The following ATP5MF variants were observed in gnomAD, a reference collection of about 807,000 sequenced individuals.
ATP5MF encodes the protein ATP synthase F(0) complex subunit f, mitochondrial.
A neutral mutation model predicts 13.8 loss-of-function variants in ATP5MF; 10 were observed. That is an observed-to-expected ratio of 0.72 (90% CI 0.45 to 1.23). The LOEUF is 1.23. ATP5MF is among the 50% of genes most tolerant of loss of function. ATP5MF has a pLI of 0.00. For synonymous variants in ATP5MF, 40 were observed against 45.8 expected (o/e 0.87, Z 0.51); for missense variants, 122 against 118.2 (o/e 1.03, Z -0.15).
intron 1 of ATP5MF, 142 bp from the exon 2 acceptor site, chr7:99,460,335 A>T (rs945964092): frequency 1.1e-6 from 1 of 918,152 alleles, no homozygotes; most frequent in African/African-American, 1.6e-5. Flanking sequence ...AATATTATGA[A>T]GAAATATGTC....
rs188713773 is a variant in ATP5MF at position 99,459,323 on chromosome 7, A to G, written c.140-60T>C. 2.0e-5 allele frequency: 26 copies of G among 1,294,506 alleles called. No individual in the cohort carries two copies. The East Asian group carries it at 4.1e-4, about 21-fold the overall frequency. The allele number at this position is 1,294,506 out of a possible 1,614,324, so 80.2% of individuals were successfully genotyped here. A position where few individuals can be genotyped will look rare whatever the true frequency, so the allele number is the denominator to read the frequency against. On this transcript the variant is annotated intron_variant, in intron 2 of 3. Coordinates refer to ENST00000292475, the MANE Select transcript of ATP5MF (RefSeq NM_004889.5). Reference sequence around the variant, plus strand: ...GCTTCACATTTGAGTGAAGTTGAGCACACAGTTGAGTCTGGCTGACATTCA... The same window carrying G: ...GCTTCACATTTGAGTGAAGTTGAGCGCACAGTTGAGTCTGGCTGACATTCA...
At chr7:99,459,977 A>G (rs1798524655) in intron 2 of ATP5MF, 109 bp downstream of exon 2, 1 of 1,264,774 alleles carries the variant, frequency 7.9e-7, no homozygotes, top group South Asian at 1.5e-5. Context: ...TACATAACTT[A>G]CTGCTTTCAG....
intron 3 of ATP5MF, 130 bp downstream of exon 3, chr7:99,459,017 G>C: frequency 1.5e-6 from 1 of 654,626 alleles, no homozygotes; most frequent in Non-Finnish European, 2.7e-6. Flanking sequence ...AATTCTTTTA[G>C]GTGGAAACAT....
intron 2 of ATP5MF, chr7:99,459,682 G>A (rs947527169): frequency 1.2e-5 from 3 of 242,462 alleles, no homozygotes; most frequent in Non-Finnish European, 1.6e-5. Context: ...CCGAAGTGCC[G>A]GGATTACAGG....
chr7:99,461,712 G>A (rs1798607793), intron 1 of ATP5MF, among the ~76,000 whole-genome samples: 1 of 151,784 alleles, frequency 6.6e-6, no homozygotes, highest in Non-Finnish European at 1.5e-5. Flanking sequence ...AGGCTGGAGT[G>A]CAGTGGCATG....
At chr7:99,458,678 G>T (rs1284441480) in intron 3 of ATP5MF, among the ~76,000 whole-genome samples, 1 of 152,080 alleles carries the variant, frequency 6.6e-6, no homozygotes. Flanking sequence ...GTGGGGGTAG[G>T]GGGTGTACAC....
chr7:99,464,970 AAAAG>A (rs1562873959), intron 1 of ATP5MF, among the ~76,000 whole-genome samples: 1 of 151,834 alleles, frequency 6.6e-6, no homozygotes, highest in Non-Finnish European at 1.5e-5. Flanking sequence ...ATGTCAAAAA[AAAAG>A]AATACAGAAA....
intron 3 of ATP5MF, 177 bp downstream of exon 3, chr7:99,458,970 A>G: frequency 1.8e-6 from 1 of 568,140 alleles, no homozygotes; most frequent in Non-Finnish European, 3.1e-6. Flanking sequence ...CTCATTTCAA[A>G]CAATATCCCA....
chr7:99,459,744 A>T (rs1210145773), intron 2 of ATP5MF: 15 of 271,244 alleles, frequency 5.5e-5, no homozygotes, highest in Non-Finnish European at 9.8e-5. Flanking sequence ...TTTGTCCTGA[A>T]GTTCTGGCAG....
At chr7:99,463,236 T>C (rs1584534293) in intron 1 of ATP5MF, among the ~76,000 whole-genome samples, 1 of 152,344 alleles carries the variant, frequency 6.6e-6, no homozygotes, top group East Asian at 1.9e-4. Context: ...CACATGGAAA[T>C]AGCAAGTCTC....
At chr7:99,465,157 G>A (rs1798804857) in intron 1 of ATP5MF, among the ~76,000 whole-genome samples, 1 of 151,934 alleles carries the variant, frequency 6.6e-6, no homozygotes, top group African/African-American at 2.4e-5. Context: ...CTACTCGGAG[G>A]CTGAGGCTGG....
chr7:99,465,089 G>T (rs537615043), intron 1 of ATP5MF, among the ~76,000 whole-genome samples: 1 of 151,986 alleles, frequency 6.6e-6, no homozygotes, highest in Admixed American at 6.6e-5. Context: ...GTGAAAGCCC[G>T]TCTCTACTAA....
Position 99,459,151 on chromosome 7 carries a change from A to C in ATP5MF, c.252T>G (p.His84Gln). 6.2e-7 allele frequency: 1 copy of C among 1,612,666 alleles called. No individual in the cohort carries two copies. Among genetic ancestry groups the C allele is most frequent in the Non-Finnish European group, 8.5e-7 (1 of 1,179,068 alleles). ...AGACGCCGCAGAGGCACTCACTGAG[A>C]TGCTTGTAGGAAAAGGAGTAGCTAA... is the stretch of plus-strand genomic sequence containing the variant. ...VLFSYSFSYKHLKHERLRKYH is the reference protein window; with the variant it reads ...VLFSYSFSYKQLKHERLRKYH Residue 84 changes from histidine to glutamine, a missense_variant, in exon 3 of 4, where the codon CAT becomes CAG. By Grantham distance (24) the His-to-Gln change is conservative. Coordinates refer to ENST00000292475, the MANE Select transcript of ATP5MF (RefSeq NM_004889.5).
intron 1 of ATP5MF, among the ~76,000 whole-genome samples, chr7:99,461,070 G>A (rs550191252): frequency 9.9e-5 from 15 of 152,218 alleles, no homozygotes; most frequent in Non-Finnish European, 2.2e-4. Context: ...CCTGGCTGAG[G>A]CTGTACTGTC....
chr7:99,465,995 C>A (rs1243814596), intron 1 of ATP5MF, 116 bp downstream of exon 1: 2 of 1,552,782 alleles, frequency 1.3e-6, no homozygotes, highest in Non-Finnish European at 1.8e-6. Flanking sequence ...CAAGTGAGGT[C>A]GTGGCGAAGT....
At chr7:99,461,889 C>T (rs1195296969) in intron 1 of ATP5MF, among the ~76,000 whole-genome samples, 1 of 150,934 alleles carries the variant, frequency 6.6e-6, no homozygotes, top group African/African-American at 2.4e-5. Context: ...AACTCCTGAC[C>T]TCAGGCGATC....
Position 99,460,165 on chromosome 7 carries a change from C to T in ATP5MF, c.60G>A (p.Glu20=), listed in dbSNP as rs374144496. The change falls in exon 2 of 4, where the codon GAG becomes GAA. Residue 20 remains glutamate, a synonymous_variant. Coordinates refer to ENST00000292475, the MANE Select transcript of ATP5MF (RefSeq NM_004889.5). ...PVPVKDKKLL[E]VKLGELPSWI... is the part of the protein sequence containing the mutation. ...AGCTTGGCAGCTCCCCCAGTTTGAC[C>T]TCCAGAAGTTTCTTGTCCTTCACTG... The T allele has an allele frequency of 2.5e-6, 4 of 1,614,098 alleles. No individual in the cohort carries two copies. In the African/African-American group the frequency reaches 4.0e-5, roughly 16 times the overall value.
At chr7:99,459,977 A>T in intron 2 of ATP5MF, 109 bp downstream of exon 2, 1 of 1,264,762 alleles carries the variant, frequency 7.9e-7, no homozygotes, top group Non-Finnish European at 1.1e-6. Flanking sequence ...TACATAACTT[A>T]CTGCTTTCAG....
chr7:99,466,110 C>G lies in ATP5MF; in HGVS notation c.31+1G>C. 1.2e-6 allele frequency: 2 copies of G among 1,614,170 alleles called. No individual in the cohort carries two copies. The highest frequency in any genetic ancestry group is 2.2e-5 in the East Asian group (1 of 44,880). ...CCACCACGGAGTCCAAACAGCCTTA[C>G]CTGGGGCCGGACACTCACCAACTGA... On this transcript the variant is annotated splice_donor_variant, in intron 1 of 3. Transcript: ENST00000292475. LOFTEE classifies it high-confidence loss of function.
Sources: gnomAD v4.1 joint callset for allele counts (sites outside exome capture counted in the v4.1 genomes callset) on GRCh38, gnomAD v4.1.1 for gene constraint, MANE v1.5 for transcripts, NCBI Gene and HGNC (gene_info 2026-07-23, HGNC 2026-07-21) for gene names.